Variants in CENPE observed in about 807,000 individuals in gnomAD.
CENPE encodes the protein centromere protein E, also known as centromere-associated protein E.
A neutral mutation model predicts 336.1 loss-of-function variants in CENPE; 145 were observed. The ratio of observed to expected loss-of-function variants is 0.43; its 90% confidence interval spans 0.38 to 0.50. The LOEUF (loss-of-function observed/expected upper bound fraction) is 0.50, where lower values mean the gene tolerates loss of function less well. Ranked by LOEUF, CENPE falls within the 20% of genes least tolerant of loss-of-function variation. CENPE has a pLI of 0.00. For synonymous variants in CENPE, 1,013 were observed against 984.8 expected (o/e 1.03, Z -0.54); for missense variants, 2,719 against 3,023.3 (o/e 0.90, Z 2.36).
At chr4:103,192,902 A>G (rs1757473676) in intron 8 of CENPE, among the ~76,000 whole-genome samples, 1 of 152,082 alleles carries the variant, frequency 6.6e-6, no homozygotes, top group Admixed American at 6.6e-5. Flanking sequence ...AACGTCACAG[A>G]ATACCTCCAA....
chr4:103,177,846 G>C (rs142138473), intron 13 of CENPE, among the ~76,000 whole-genome samples: 2 of 151,564 alleles, frequency 1.3e-5, no homozygotes, highest in Non-Finnish European at 2.9e-5. Flanking sequence ...TCAAATCCTC[G>C]ACTCCAATAA....
chr4:103,123,702 G>A (rs1352558206), intron 42 of CENPE, among the ~76,000 whole-genome samples: 1 of 152,136 alleles, frequency 6.6e-6, no homozygotes, highest in South Asian at 2.1e-4. Flanking sequence ...TTAAATTTGT[G>A]GTAGAAGACA....
At chr4:103,147,725 A>T in intron 28 of CENPE, 79 bp from the exon 29 acceptor site, 1 of 1,303,818 alleles carries the variant, frequency 7.7e-7, no homozygotes, top group Admixed American at 2.3e-5. Flanking sequence ...ACGGCATCTC[A>T]CTCTGTTGCC....
chr4:103,151,853 A>T (rs1753597678), intron 25 of CENPE, among the ~76,000 whole-genome samples: 1 of 152,196 alleles, frequency 6.6e-6, no homozygotes, highest in Non-Finnish European at 1.5e-5. Flanking sequence ...ACGTATCAAG[A>T]CCACAAAAAC....
At chr4:103,188,304 A>T (rs1451386825) in intron 8 of CENPE, among the ~76,000 whole-genome samples, 1 of 152,224 alleles carries the variant, frequency 6.6e-6, no homozygotes, top group Non-Finnish European at 1.5e-5. Context: ...CCTAATAGAC[A>T]TCTATAGAAC....
chr4:103,170,023 T>G (rs1755263740), intron 16 of CENPE, among the ~76,000 whole-genome samples: 1 of 152,022 alleles, frequency 6.6e-6, no homozygotes, highest in East Asian at 1.9e-4. Context: ...CTCAGCAAAC[T>G]AACACAAGAA....
chr4:103,145,623 T>C lies in CENPE; in HGVS notation c.4472A>G (p.Glu1491Gly). ...VAHCCLKEQE[E>G]TINELRVNLS... ...ATTCACTCTTAACTCATTAATAGTT[T>C]CCTCTTGTTCTTTCAGGCAACAATG... is the stretch of plus-strand genomic sequence containing the variant. Residue 1491 changes from glutamate (E) to glycine (G), a missense_variant, in exon 31 of 49, where the codon GAA becomes GGA. By Grantham distance (98) the Glu-to-Gly change is moderately conservative. Coordinates refer to ENST00000265148, the MANE Select transcript of CENPE (RefSeq NM_001813.3). 6.2e-7 allele frequency: 1 copy of C among 1,608,450 alleles called. No individual in the cohort carries two copies. The highest frequency in any genetic ancestry group is 8.5e-7 in the Non-Finnish European group (1 of 1,178,218).
At chr4:103,157,331 T>C (rs1754047042) in intron 24 of CENPE, among the ~76,000 whole-genome samples, 1 of 151,976 alleles carries the variant, frequency 6.6e-6, no homozygotes, top group African/African-American at 2.4e-5. Context: ...CAATAATGGG[T>C]AGAAGCAACG....
intron 24 of CENPE, among the ~76,000 whole-genome samples, chr4:103,154,371 C>CCT (rs1250540905): frequency 1.3e-5 from 2 of 151,678 alleles, no homozygotes; most frequent in East Asian, 3.9e-4. Flanking sequence ...ATCTTTTCCA[C>CCT]TTAGATCATA....
intron 40 of CENPE, among the ~76,000 whole-genome samples, chr4:103,134,210 A>G (rs1193481105): frequency 6.6e-6 from 1 of 152,128 alleles, no homozygotes; most frequent in Non-Finnish European, 1.5e-5. Flanking sequence ...TCCTTTTTCT[A>G]TTGCCCAGTT....
chr4:103,134,504 G>A (rs1375956122), intron 40 of CENPE, among the ~76,000 whole-genome samples: 2 of 151,846 alleles, frequency 1.3e-5, no homozygotes, highest in East Asian at 1.9e-4. Context: ...CGTGGTGGCA[G>A]GCGCCTGTAG....
chr4:103,177,196 TA>T (rs896933618), intron 13 of CENPE, 150 bp from the exon 14 acceptor site: 919 of 549,210 alleles, frequency 1.7e-3, no homozygotes, highest in Middle Eastern at 2.9e-3. Flanking sequence ...GGATATTGCT[TA>T]AAAAAAAAAT....
Position 103,179,845 on chromosome 4 carries a change from C to T in CENPE, c.1242+466G>A, listed in dbSNP as rs1352454841. On this transcript the variant is annotated intron_variant, in intron 13 of 48. Transcript: ENST00000265148. ...AAAAAGTCTACTGAATAAATAAATT[C>T]CTACTCAATTAAAAACAAACAAAAA... Among the ~76,000 whole-genome samples the T allele has an allele frequency of 1.2e-4, 19 of 152,224 alleles. 1 individual carries two copies. The East Asian group carries it at 3.5e-3, about 28-fold the overall frequency.
At chr4:103,166,079 GA>G (rs1754892911) in intron 16 of CENPE, among the ~76,000 whole-genome samples, 2 of 152,008 alleles carry the variant, frequency 1.3e-5, no homozygotes, top group South Asian at 4.2e-4. Flanking sequence ...AATGATGTGA[GA>G]AAAATATTAG....
chr4:103,125,108 C>T (rs1215286540), intron 42 of CENPE, among the ~76,000 whole-genome samples: 1 of 152,148 alleles, frequency 6.6e-6, no homozygotes, highest in Admixed American at 6.5e-5. Flanking sequence ...TGCTATTTGG[C>T]TAGCTCTGAC....
intron 41 of CENPE, 87 bp from the exon 42 acceptor site, chr4:103,132,983 T>TATATATATATATATATATATATATAA (rs1185133774): frequency 2.0e-4 from 39 of 191,162 alleles, no homozygotes; most frequent in Non-Finnish European, 3.1e-4. Flanking sequence ...TATATATATA[T>TATATATATATATATATATATATATAA]AAAATAAAAA....
chr4:103,140,563 A>C (rs1332267712), intron 36 of CENPE, 149 bp from the exon 37 acceptor site: 1 of 681,582 alleles, frequency 1.5e-6, no homozygotes, highest in Non-Finnish European at 2.3e-6. Flanking sequence ...GAGTAAAGTA[A>C]AATTTTCTGC....
chr4:103,166,864 C>T (rs769177039), intron 16 of CENPE, among the ~76,000 whole-genome samples: 2 of 152,144 alleles, frequency 1.3e-5, no homozygotes. Flanking sequence ...AATTTCACAG[C>T]ATCTGTGGCC....
At chr4:103,158,936 A>AGGCATACATATATT in intron 22 of CENPE, 50 bp from the exon 23 acceptor site, 1 of 1,556,778 alleles carries the variant, frequency 6.4e-7, no homozygotes, top group Non-Finnish European at 8.6e-7. Context: ...GAGCAGTCTG[A>AGGCATACATATATT]GGCATACATA....
Sources: allele counts gnomAD v4.1 joint callset (sites outside exome capture counted in the v4.1 genomes callset), GRCh38; gene constraint gnomAD v4.1.1; transcripts MANE v1.5; gene names NCBI Gene and HGNC (gene_info 2026-07-23, HGNC 2026-07-21).